The following FBN1 variants were observed in gnomAD, a reference collection of about 807,000 sequenced individuals.
The protein encoded by FBN1 is fibrillin-1.
In FBN1, 29 loss-of-function variants were observed where a neutral mutation model predicts 365.1. The observed-to-expected ratio is 0.08, with a 90% CI of 0.06 to 0.11. The LOEUF (loss-of-function observed/expected upper bound fraction) is 0.11, where lower values mean the gene tolerates loss of function less well. Ranked by LOEUF, FBN1 falls within the 10% of genes least tolerant of loss-of-function variation. The probability of loss-of-function intolerance (pLI) is 1.00; values close to 1 mark genes in which losing one functional copy is unlikely to be tolerated. For synonymous variants in FBN1, 1,210 were observed against 1,270.5 expected (o/e 0.95, Z 1.01); for missense variants, 2,476 against 3,703.2 (o/e 0.67, Z 8.60).
At chr15:48,578,789 A>G (rs1359212089) in intron 6 of FBN1, among the ~76,000 whole-genome samples, 1 of 136,392 alleles carries the variant, frequency 7.3e-6, no homozygotes, top group East Asian at 2.2e-4. Flanking sequence ...TCTCACTCAT[A>G]GGTGGGAATT....
At chr15:48,508,460 C>A (rs371679542) in intron 15 of FBN1, 122 bp downstream of exon 15, 2 of 1,398,148 alleles carry the variant, frequency 1.4e-6, no homozygotes, top group Non-Finnish European at 2.0e-6. Context: ...GTCAGGTTTC[C>A]CAAACCAAAA....
At chr15:48,570,524 A>G (rs915860255) in intron 6 of FBN1, among the ~76,000 whole-genome samples, 1 of 151,792 alleles carries the variant, frequency 6.6e-6, no homozygotes, top group African/African-American at 2.4e-5. Context: ...TCAGAACCTT[A>G]GGGTGAGAAG....
At chr15:48,489,737 T>C (rs1039771566) in intron 25 of FBN1, 114 bp downstream of exon 25, 9 of 860,050 alleles carry the variant, frequency 1.0e-5, no homozygotes, top group South Asian at 7.2e-5. Context: ...ATTATATAAT[T>C]CAGAAAGCAA....
At chr15:48,543,513 A>G (rs1243407380) in intron 6 of FBN1, among the ~76,000 whole-genome samples, 1 of 152,232 alleles carries the variant, frequency 6.6e-6, no homozygotes, top group Non-Finnish European at 1.5e-5. Flanking sequence ...AAAAGTGTCA[A>G]GGCTTAATCT....
At chr15:48,537,486 C>G in intron 7 of FBN1, 125 bp downstream of exon 7, 1 of 1,131,526 alleles carries the variant, frequency 8.8e-7, no homozygotes, top group South Asian at 1.3e-5. Flanking sequence ...GGATATCATG[C>G]AGTCAGCGAA....
At chr15:48,487,982 T>C (rs1334938140) in intron 27 of FBN1, 131 bp downstream of exon 27, 20 of 1,186,784 alleles carry the variant, frequency 1.7e-5, no homozygotes, top group Non-Finnish European at 2.5e-5. Flanking sequence ...AGTCTCCCTC[T>C]GTTGCAGACT....
intron 32 of FBN1, among the ~76,000 whole-genome samples, chr15:48,476,113 G>A (rs1477355318): frequency 6.6e-6 from 1 of 152,116 alleles, no homozygotes; most frequent in Non-Finnish European, 1.5e-5. Flanking sequence ...GAGGAGGAAG[G>A]CCAATTCAGG....
chr15:48,625,767 G>A (rs907493680), intron 2 of FBN1, among the ~76,000 whole-genome samples: 1 of 152,140 alleles, frequency 6.6e-6, no homozygotes, highest in South Asian at 2.1e-4. Context: ...AATCCTATTT[G>A]GTGACTTTAG....
intron 9 of FBN1, among the ~76,000 whole-genome samples, chr15:48,524,261 A>G (rs1385422746): frequency 6.6e-6 from 1 of 152,232 alleles, no homozygotes; most frequent in Non-Finnish European, 1.5e-5. Context: ...GAGGTCTGAG[A>G]GTCTCAGAAT....
chr15:48,607,047 A>C (rs1375271168), intron 4 of FBN1, among the ~76,000 whole-genome samples: 1 of 152,222 alleles, frequency 6.6e-6, no homozygotes, highest in African/African-American at 2.4e-5. Context: ...CCCAGCCTCC[A>C]GAACCACGAG....
Position 48,430,731 on chromosome 15 carries a change from T to C in FBN1, c.6811A>G (p.Thr2271Ala), listed in dbSNP as rs2043017446. 1 of 1,613,806 alleles carries C rather than the reference T, an allele frequency of 6.2e-7. No homozygotes were observed. The highest frequency in any genetic ancestry group is 1.3e-5 in the African/African-American group (1 of 74,918). ...CCGGGTCCACAGATGCACATATATGTGCCAATGAGGTTCTTGCATTCCATT... is the reference window on the plus strand; with the variant it reads ...CCGGGTCCACAGATGCACATATATGCGCCAATGAGGTTCTTGCATTCCATT... ...KQMECKNLIG[T>A]YMCICGPGYQ... Residue 2271 changes from threonine to alanine, a missense_variant, in exon 56 of 66, where the codon ACA becomes GCA. Thr to Ala is a moderately conservative substitution (Grantham distance 58). Around this residue, in one of 5 missense-constraint regions of FBN1, gnomAD observed 1,780 missense variants for 2,840.8 expected, o/e 0.63. Coordinates refer to ENST00000316623, the MANE Select transcript of FBN1 (RefSeq NM_000138.5).
intron 6 of FBN1, among the ~76,000 whole-genome samples, chr15:48,556,601 C>G (rs2044182768): frequency 6.6e-6 from 1 of 152,208 alleles, no homozygotes; most frequent in South Asian, 2.1e-4. Flanking sequence ...TCCCTGAGAT[C>G]TCCTGCACAA....
Position 48,468,195 on chromosome 15 carries a change from T to C in FBN1, c.4583-93A>G. On this transcript the variant is annotated intron_variant, in intron 37 of 65. Coordinates refer to ENST00000316623, the MANE Select transcript of FBN1 (RefSeq NM_000138.5). The stretch of plus-strand genomic sequence containing the variant: ...CACTTCAGGAACTGTTCAAAAACCG[T>C]AATTTACTTTTACTGAGAAACTAAA... The C allele has an allele frequency of 3.3e-6, 5 of 1,515,178 alleles. No individual in the cohort carries two copies. The South Asian group carries it at 5.7e-5, about 17-fold the overall frequency. The allele number at this position is 1,515,178 out of a possible 1,614,324, so 93.9% of individuals were successfully genotyped here.
intron 2 of FBN1, among the ~76,000 whole-genome samples, chr15:48,626,765 T>G (rs990216765): frequency 1.3e-5 from 2 of 152,118 alleles, no homozygotes; most frequent in Non-Finnish European, 2.9e-5. Flanking sequence ...TTTTAAACAT[T>G]TAGATATGTG....
rs1036558880 is a variant in FBN1, at chr15:48,569,805, T to C, written c.538+26478A>G. Among the ~76,000 whole-genome samples the C allele has an allele frequency of 7.9e-5, 12 of 152,076 alleles. 1 individual carries two copies. Among genetic ancestry groups the C allele is most frequent in the Non-Finnish European group, 1.6e-4 (11 of 67,968 alleles). On this transcript the variant is annotated intron_variant, in intron 6 of 65. Transcript: ENST00000316623. Reference sequence around the variant, plus strand: ...CCAGGGCTCTGGGAGAGAGCAAGGATTTTTTGCCAACAGGTGTAAGAAATC... The same window carrying C: ...CCAGGGCTCTGGGAGAGAGCAAGGACTTTTTGCCAACAGGTGTAAGAAATC...
chr15:48,631,100 C>G (rs1889981206), intron 2 of FBN1, among the ~76,000 whole-genome samples: 1 of 152,116 alleles, frequency 6.6e-6, no homozygotes, highest in African/African-American at 2.4e-5. Flanking sequence ...TTGTTCCACT[C>G]TCACGGATGT....
chr15:48,420,203 A>G (rs1332697875), intron 63 of FBN1, among the ~76,000 whole-genome samples: 1 of 62,268 alleles, frequency 1.6e-5, no homozygotes, highest in East Asian at 9.5e-4. Flanking sequence ...AAAACAAAAC[A>G]AAACAAAACA....
chr15:48,488,029 A>G, intron 27 of FBN1, 84 bp downstream of exon 27: 1 of 1,576,542 alleles, frequency 6.3e-7, no homozygotes, highest in Non-Finnish European at 8.7e-7. Context: ...GGGCAGCAGG[A>G]AGAACCTGGA....
intron 9 of FBN1, among the ~76,000 whole-genome samples, chr15:48,523,253 T>C (rs2043876054): frequency 6.6e-6 from 1 of 152,252 alleles, no homozygotes; most frequent in Non-Finnish European, 1.5e-5. Context: ...ATTTTCAGCA[T>C]GGGCTATCTT....
Sources: allele counts gnomAD v4.1 joint callset (sites outside exome capture counted in the v4.1 genomes callset), GRCh38; gene constraint gnomAD v4.1.1; regional missense constraint gnomAD v4.1.1; transcripts MANE v1.5; gene names NCBI Gene and HGNC (gene_info 2026-07-23, HGNC 2026-07-21).